Variants in PHLDB2 observed in about 807,000 individuals in gnomAD.
PHLDB2 encodes pleckstrin homology like domain family B member 2, also known as pleckstrin homology-like domain family B member 2.
Under a neutral mutation model 123.6 loss-of-function variants are expected in PHLDB2, and 71 were observed. The ratio of observed to expected loss-of-function variants is 0.57; its 90% confidence interval spans 0.47 to 0.70. The LOEUF is 0.70. Ranked by LOEUF, PHLDB2 falls within the 30% of genes least tolerant of loss-of-function variation. PHLDB2 has a pLI of 0.00. For missense variants in PHLDB2, 1,446 were observed against 1,519.5 expected (o/e 0.95, Z 0.80); for synonymous variants, 547 against 541.6 (o/e 1.01, Z -0.14).
intron 9 of PHLDB2, among the ~76,000 whole-genome samples, chr3:111,947,393 G>A (rs906402779): frequency 6.6e-6 from 1 of 152,078 alleles, no homozygotes; most frequent in South Asian, 2.1e-4. Flanking sequence ...TGTGCTGTGT[G>A]TTCACTTTCC....
intron 1 of PHLDB2, among the ~76,000 whole-genome samples, chr3:111,841,898 G>A (rs765482229): frequency 6.6e-6 from 1 of 152,128 alleles, no homozygotes; most frequent in South Asian, 2.1e-4. Context: ...GCATTTGTGC[G>A]GAACCTAGAA....
At chr3:111,958,666 A>G (rs1466403509) in intron 12 of PHLDB2, 1 of 454,222 alleles carries the variant, frequency 2.2e-6, no homozygotes, top group Admixed American at 2.4e-5. Flanking sequence ...CTTATAAACT[A>G]CCCCTTCAAA....
rs186472409 is a variant in PHLDB2, at chr3:111,906,439, T to C, written c.1336-6880T>C. The stretch of plus-strand genomic sequence containing the variant: ...TAGCTGCAGAACCCAGATTCAGACC[T>C]AAGTGGTCTGGCTCCAGAGTTCATG... On this transcript the variant is annotated intron_variant, in intron 2 of 17. Coordinates refer to ENST00000431670, the MANE Select transcript of PHLDB2 (RefSeq NM_001134438.2). Among the ~76,000 whole-genome samples, 322 of 152,266 alleles carry C rather than the reference T, an allele frequency of 2.1e-3. 1 individual carries two copies. Among genetic ancestry groups the C allele is most frequent in the African/African-American group, 7.4e-3 (308 of 41,544 alleles).
At chr3:111,752,236 G>GTGTGTGTC (rs1053558316) in intron 1 of PHLDB2, among the ~76,000 whole-genome samples, 3 of 143,490 alleles carry the variant, frequency 2.1e-5, no homozygotes, top group Non-Finnish European at 3.0e-5. Context: ...GTGTGTGTGT[G>GTGTGTGTC]TGTGTCTGTG....
chr3:111,770,130 A>G (rs1325054888), intron 1 of PHLDB2, among the ~76,000 whole-genome samples: 1 of 152,212 alleles, frequency 6.6e-6, no homozygotes, highest in Non-Finnish European at 1.5e-5. Flanking sequence ...CACAGCTGAG[A>G]GTCATTGGTT....
chr3:111,845,232 G>A (rs148535583), intron 1 of PHLDB2, among the ~76,000 whole-genome samples: 7,851 of 151,826 alleles, frequency 0.052, 297 homozygotes, highest in African/African-American at 0.097. Context: ...GCACATGCCT[G>A]TAATCCCACC....
chr3:111,884,018 T>C (rs914257124), intron 1 of PHLDB2, 46 bp from the exon 2 acceptor site: 2 of 1,537,478 alleles, frequency 1.3e-6, no homozygotes, highest in African/African-American at 2.8e-5. Flanking sequence ...GATTGTTCTT[T>C]TAAAATCTTC....
At chr3:111,858,003 A>G (rs1290818210), upstream of PHLDB2, among the ~76,000 whole-genome samples, 1 of 152,172 alleles carries the variant, frequency 6.6e-6, no homozygotes, top group East Asian at 1.9e-4. Flanking sequence ...ACACATACAA[A>G]CGTATGTTTA....
intron 5 of PHLDB2, among the ~76,000 whole-genome samples, chr3:111,922,820 A>G (rs920397730): frequency 5.3e-5 from 8 of 152,128 alleles, no homozygotes; most frequent in African/African-American, 7.2e-5. Flanking sequence ...CTCAGAGATC[A>G]TCTTACCATA....
At chr3:111,766,639 G>T (rs1057043811) in intron 1 of PHLDB2, among the ~76,000 whole-genome samples, 1 of 151,964 alleles carries the variant, frequency 6.6e-6, no homozygotes, top group African/African-American at 2.4e-5. Context: ...TACAACATGG[G>T]ATAAATTAAG....
chr3:111,935,150 A>T (rs941285115), intron 6 of PHLDB2, among the ~76,000 whole-genome samples: 3 of 110,042 alleles, frequency 2.7e-5, no homozygotes, highest in East Asian at 5.6e-4. Flanking sequence ...CCCAGGCTGG[A>T]GGGTAGTAGT....
chr3:111,940,126 G>T (rs1425174980), intron 7 of PHLDB2, among the ~76,000 whole-genome samples: 2 of 151,506 alleles, frequency 1.3e-5, no homozygotes, highest in Non-Finnish European at 2.9e-5. Context: ...CATACCCAGG[G>T]CTCTGTACTA....
chr3:111,736,540 T>A, intron 1 of PHLDB2, among the ~76,000 whole-genome samples: 1 of 152,180 alleles, frequency 6.6e-6, no homozygotes, highest in Admixed American at 6.5e-5. Flanking sequence ...GGACTCCAAA[T>A]TTTTTGTTCT....
chr3:111,865,284 C>T (rs181837257), intron 1 of PHLDB2, among the ~76,000 whole-genome samples: 1 of 152,278 alleles, frequency 6.6e-6, no homozygotes, highest in Admixed American at 6.5e-5. Context: ...CAATCAAATA[C>T]CCATATTATA....
chr3:111,958,432 T>A (rs1577195308), intron 12 of PHLDB2: 1 of 483,292 alleles, frequency 2.1e-6, no homozygotes, highest in Admixed American at 5.2e-5. Flanking sequence ...ATATTGGGAA[T>A]GTATTGGCAG....
chr3:111,879,084 A>C (rs906316190), intron 1 of PHLDB2, among the ~76,000 whole-genome samples: 1 of 152,134 alleles, frequency 6.6e-6, no homozygotes. Context: ...GTTAGGGAGC[A>C]TTTCCTCTTT....
rs191556324 is a variant in PHLDB2 at position 111,924,279 on chromosome 3, T to C, written c.2001+3860T>C. On this transcript the variant is annotated intron_variant, in intron 5 of 17. Transcript: ENST00000431670. ...AGATAAACATTTTATAATTTATGTTTGTTTTGAGCCTACTAGACATTTATA... is the reference window on the plus strand; with the variant it reads ...AGATAAACATTTTATAATTTATGTTCGTTTTGAGCCTACTAGACATTTATA... 8.9e-4 allele frequency among the ~76,000 whole-genome samples: 136 copies of C among 152,366 alleles called. 2 individuals are homozygous for C. The highest frequency in any genetic ancestry group is 3.0e-3 in the African/African-American group (126 of 41,598).
Position 111,813,052 on chromosome 3 carries a change from C to T in PHLDB2, c.-48-32769C>T, listed in dbSNP as rs530611076. Among the ~76,000 whole-genome samples, 5 of 152,300 alleles carry T rather than the reference C, an allele frequency of 3.3e-5. No homozygotes were observed. In the South Asian group the frequency reaches 1.0e-3, roughly 32 times the overall value. On this transcript the variant is annotated intron_variant, in intron 1 of 17. Coordinates refer to the PHLDB2 transcript ENST00000393923. ...CAAGGCTTCAATAATCAAAATCTAG[C>T]AGAGTGCTTTAGCACATAATGGTAG...
chr3:111,922,293 A>G (rs4234407), intron 5 of PHLDB2, among the ~76,000 whole-genome samples: 75,252 of 152,050 alleles, frequency 0.49, 19,209 homozygotes, highest in Non-Finnish European at 0.54. Flanking sequence ...ATCAGATTCT[A>G]CACAAAAGTG....
Sources: gnomAD v4.1 joint callset for allele counts (sites outside exome capture counted in the v4.1 genomes callset) on GRCh38, gnomAD v4.1.1 for gene constraint, MANE v1.5 for transcripts, NCBI Gene and HGNC (gene_info 2026-07-23, HGNC 2026-07-21) for gene names.